SLC25A48: variants seen among roughly 807,000 people sequenced by gnomAD.
SLC25A48 encodes the protein solute carrier family 25 member 48, also known as CTC-321K16.1.
A neutral mutation model predicts 32.2 loss-of-function variants in SLC25A48; 29 were observed. The ratio of observed to expected loss-of-function variants is 0.90; its 90% confidence interval spans 0.67 to 1.23. The LOEUF (loss-of-function observed/expected upper bound fraction) is 1.23, where lower values mean the gene tolerates loss of function less well. Ranked by LOEUF, SLC25A48 falls within the 50% of genes most tolerant of loss-of-function variation. The pLI is 0.00. For synonymous variants in SLC25A48, 164 were observed against 172.3 expected, an observed-to-expected ratio of 0.95 and a Z score of 0.38; for missense variants, 399 against 422.7, an observed-to-expected ratio of 0.94 and a Z score of 0.49.
intron 3 of SLC25A48, among the ~76,000 whole-genome samples, chr5:135,794,108 T>C (rs190173116): frequency 6.6e-6 from 1 of 152,054 alleles, no homozygotes; most frequent in Admixed American, 6.6e-5. Flanking sequence ...GAGAATGATA[T>C]TACTCAAGAT....
chr5:135,760,186 C>G (rs1054415493), intron 3 of SLC25A48, among the ~76,000 whole-genome samples: 1 of 152,182 alleles, frequency 6.6e-6, no homozygotes, highest in Non-Finnish European at 1.5e-5. Context: ...TTGTTATACA[C>G]TTTATTACTA....
chr5:135,852,356 G>A (rs1759941709), intron 3 of SLC25A48, among the ~76,000 whole-genome samples: 1 of 152,216 alleles, frequency 6.6e-6, no homozygotes, highest in African/African-American at 2.4e-5. Flanking sequence ...GAAACAAAGC[G>A]GCCTGCAGAA....
intron 3 of SLC25A48, among the ~76,000 whole-genome samples, chr5:135,646,627 A>C (rs1752963767): frequency 7.0e-6 from 1 of 143,338 alleles, no homozygotes; most frequent in Admixed American, 7.4e-5. Context: ...CCATTTATGT[A>C]TATATATACG....
intron 3 of SLC25A48, among the ~76,000 whole-genome samples, chr5:135,707,606 C>T (rs1015492870): frequency 6.6e-6 from 1 of 152,334 alleles, no homozygotes; most frequent in East Asian, 1.9e-4. Flanking sequence ...GGAACACTTT[C>T]CCAGCTACTT....
intron 1 of SLC25A48, among the ~76,000 whole-genome samples, chr5:135,608,141 A>G (rs950760044): frequency 1.3e-5 from 2 of 152,210 alleles, no homozygotes; most frequent in Non-Finnish European, 2.9e-5. Flanking sequence ...TTGTTGCCTT[A>G]GTTAGAGTGA....
chr5:135,608,809 C>T (rs918637583), intron 1 of SLC25A48, among the ~76,000 whole-genome samples: 1 of 152,208 alleles, frequency 6.6e-6, no homozygotes, highest in African/African-American at 2.4e-5. Context: ...TCACTGGTGC[C>T]TGAGGCCCCT....
At chr5:135,616,274 C>G in intron 1 of SLC25A48, among the ~76,000 whole-genome samples, 1 of 152,148 alleles carries the variant, frequency 6.6e-6, no homozygotes, top group Middle Eastern at 3.2e-3. Flanking sequence ...GGAAGCCACA[C>G]TGACAGCTTG....
intron 3 of SLC25A48, among the ~76,000 whole-genome samples, chr5:135,672,219 G>C (rs1753671957): frequency 1.3e-5 from 2 of 152,190 alleles, no homozygotes; most frequent in South Asian, 4.1e-4. Context: ...GATGTTCCAG[G>C]GAAGAGATGG....
At chr5:135,677,018 T>C (rs1194359992) in intron 3 of SLC25A48, among the ~76,000 whole-genome samples, 1 of 152,076 alleles carries the variant, frequency 6.6e-6, no homozygotes, top group Non-Finnish European at 1.5e-5. Context: ...GTTGACTTTC[T>C]GTCTAGCTCA....
exon 4 of SLC25A48, chr5:135,812,704 G>A (rs1757618436): frequency 6.6e-6 from 1 of 152,272 alleles, no homozygotes; most frequent in South Asian, 2.1e-4. Flanking sequence ...GCTCCTGGAG[G>A]AGGAGATGAC....
intron 3 of SLC25A48, among the ~76,000 whole-genome samples, chr5:135,781,794 T>C (rs1432160082): frequency 8.6e-6 from 1 of 116,672 alleles, no homozygotes; most frequent in Non-Finnish European, 2.1e-5. Flanking sequence ...TTACTGTCAA[T>C]ATCACAGGAA....
intron 3 of SLC25A48, among the ~76,000 whole-genome samples, chr5:135,804,327 G>A (rs142068282): frequency 4.6e-4 from 70 of 151,412 alleles, no homozygotes; most frequent in African/African-American, 1.5e-3. Flanking sequence ...GTATACCCCC[G>A]GCGACATTAA....
chr5:135,885,079 T>A (rs1246992699), intron 7 of SLC25A48, among the ~76,000 whole-genome samples: 1 of 152,102 alleles, frequency 6.6e-6, no homozygotes, highest in East Asian at 1.9e-4. Flanking sequence ...CCAGGGTACA[T>A]CGCCAGCAGC....
intron 3 of SLC25A48, among the ~76,000 whole-genome samples, chr5:135,635,749 A>T (rs755978070): frequency 7.9e-5 from 12 of 152,148 alleles, no homozygotes; most frequent in African/African-American, 2.7e-4. Context: ...TTGGGAAGAG[A>T]TACTGACAGC....
At chr5:135,622,568 G>A (rs1318286629) in intron 1 of SLC25A48, among the ~76,000 whole-genome samples, 1 of 151,848 alleles carries the variant, frequency 6.6e-6, no homozygotes, top group East Asian at 1.9e-4. Context: ...AAAACACCAG[G>A]ATATAAGCTA....
At chr5:135,851,463 G>A (rs955334707) in intron 3 of SLC25A48, among the ~76,000 whole-genome samples, 1 of 152,174 alleles carries the variant, frequency 6.6e-6, no homozygotes, top group Non-Finnish European at 1.5e-5. Flanking sequence ...GGTTTTGGTG[G>A]GGACTGCGGG....
chr5:135,777,774 T>G (rs984646833), intron 3 of SLC25A48, among the ~76,000 whole-genome samples: 7 of 81,288 alleles, frequency 8.6e-5, no homozygotes, highest in African/African-American at 2.5e-4. Context: ...GTGATATTAT[T>G]CCTAATATCC....
chr5:135,745,256 C>T (rs916765569), intron 3 of SLC25A48, among the ~76,000 whole-genome samples: 2 of 152,246 alleles, frequency 1.3e-5, no homozygotes, highest in Admixed American at 6.5e-5. Flanking sequence ...AACAAAGGGA[C>T]AGGCTCTGGC....
intron 3 of SLC25A48, among the ~76,000 whole-genome samples, chr5:135,809,236 C>A (rs1757540049): frequency 6.6e-6 from 1 of 152,058 alleles, no homozygotes; most frequent in Admixed American, 6.6e-5. Context: ...GGGTTTCAGG[C>A]TGCAGGAAGC....
Sources: gnomAD v4.1 joint callset for allele counts (sites outside exome capture counted in the v4.1 genomes callset) on GRCh38, gnomAD v4.1.1 for gene constraint, MANE v1.5 for transcripts, NCBI Gene and HGNC (gene_info 2026-07-23, HGNC 2026-07-21) for gene names.